The following TNRC6B variants were observed in gnomAD, a reference collection of about 807,000 sequenced individuals.
TNRC6B encodes trinucleotide repeat-containing gene 6B protein.
A neutral mutation model predicts 203.6 loss-of-function variants in TNRC6B; 52 were observed. The observed-to-expected ratio is 0.26, with a 90% CI of 0.20 to 0.32. TNRC6B has a LOEUF of 0.32. TNRC6B is among the 10% of genes least tolerant of loss of function. The probability of loss-of-function intolerance (pLI) is 1.00; values close to 1 mark genes in which losing one functional copy is unlikely to be tolerated. For synonymous variants in TNRC6B, 838 were observed against 845.7 expected (o/e 0.99, Z 0.16); for missense variants, 1,923 against 2,286.2 (o/e 0.84, Z 3.24).
chr22:40,232,253 C>T (rs1225977496), intron 1 of TNRC6B, among the ~76,000 whole-genome samples: 2 of 152,158 alleles, frequency 1.3e-5, no homozygotes, highest in Non-Finnish European at 2.9e-5. Context: ...GGCAGGCCCA[C>T]CCTATTTGGT....
rs554321090 is a variant in TNRC6B at position 40,306,891 on chromosome 22, G to A, written c.4121-1621G>A. On this transcript the variant is annotated intron_variant, in intron 15 of 22. Coordinates refer to ENST00000454349, the MANE Select transcript of TNRC6B (RefSeq NM_001162501.2). ...TAGTCCCAGCTACTCAGGAGGCTGA[G>A]GCAGGAGAATTGCTTGAACCCAGGA... 3.3e-5 allele frequency among the ~76,000 whole-genome samples: 5 copies of A among 152,280 alleles called. No individual in the cohort carries two copies. The South Asian group carries it at 1.0e-3, about 32-fold the overall frequency.
intron 1 of TNRC6B, among the ~76,000 whole-genome samples, chr22:40,099,069 G>T (rs1483655903): frequency 6.6e-6 from 1 of 152,064 alleles, no homozygotes; most frequent in Non-Finnish European, 1.5e-5. Context: ...GGCCAAGATG[G>T]TGAAACCCCG....
At chr22:40,295,035 G>A (rs2070920257) in intron 12 of TNRC6B, among the ~76,000 whole-genome samples, 2 of 152,198 alleles carry the variant, frequency 1.3e-5, no homozygotes, top group South Asian at 4.1e-4. Flanking sequence ...GCAGCTGGGG[G>A]GAACTATTAC....
intron 3 of TNRC6B, among the ~76,000 whole-genome samples, chr22:40,127,385 T>G (rs912360544): frequency 8.5e-5 from 13 of 152,148 alleles, no homozygotes; most frequent in Non-Finnish European, 1.9e-4. Context: ...TAGGTTTTCA[T>G]CAGACTCATT....
rs185809109 is a variant in TNRC6B at position 40,128,773 on chromosome 22, G to A, written c.45+2911G>A. ...TCTGGGCTCAAGTGATTCTCCTGCC[G>A]CAGTCTCCCAAAGTGCTGGAATTAT... On this transcript the variant is annotated intron_variant, in intron 3 of 23. Transcript: ENST00000301923. 1.4e-4 allele frequency among the ~76,000 whole-genome samples: 21 copies of A among 151,714 alleles called. No homozygotes were observed. The East Asian group carries it at 3.1e-3, about 22-fold the overall frequency.
intron 3 of TNRC6B, among the ~76,000 whole-genome samples, chr22:40,128,688 T>A (rs1339488189): frequency 6.9e-6 from 1 of 145,322 alleles, no homozygotes; most frequent in Non-Finnish European, 1.5e-5. Context: ...CACACCTGGC[T>A]CTCTTTTTTT....
At chr22:40,294,959 T>C (rs2070919355) in intron 12 of TNRC6B, among the ~76,000 whole-genome samples, 1 of 152,184 alleles carries the variant, frequency 6.6e-6, no homozygotes, top group African/African-American at 2.4e-5. Context: ...CCTATTAAAA[T>C]AGAAAGTCAA....
upstream of TNRC6B, among the ~76,000 whole-genome samples, chr22:40,174,113 T>C (rs1010738484): frequency 6.6e-6 from 1 of 151,740 alleles, no homozygotes; most frequent in Non-Finnish European, 1.5e-5. Context: ...TCTAGATTTT[T>C]GAGTTAAATA....
chr22:40,050,179 G>A (rs1035255754), intron 1 of TNRC6B, among the ~76,000 whole-genome samples: 28 of 152,212 alleles, frequency 1.8e-4, no homozygotes, highest in Admixed American at 1.2e-3. Flanking sequence ...AAGCCAGCCC[G>A]GATCCAGCGA....
chr22:40,100,585 G>A (rs1314742977), intron 1 of TNRC6B, among the ~76,000 whole-genome samples: 2 of 152,090 alleles, frequency 1.3e-5, no homozygotes, highest in Non-Finnish European at 2.9e-5. Context: ...CTTAATTATT[G>A]GGTCTTACCA....
intron 11 of TNRC6B, among the ~76,000 whole-genome samples, chr22:40,282,963 A>G (rs2070736515): frequency 6.6e-6 from 1 of 152,158 alleles, no homozygotes; most frequent in Non-Finnish European, 1.5e-5. Context: ...AGTAATAGCC[A>G]CACAAACCTG....
chr22:40,254,060 A>G (rs1484750151), intron 3 of TNRC6B, among the ~76,000 whole-genome samples: 1 of 152,122 alleles, frequency 6.6e-6, no homozygotes, highest in Non-Finnish European at 1.5e-5. Context: ...TGTATTCTCC[A>G]CCATTAAAAA....
At chr22:40,091,035 G>A (rs112190599) in intron 1 of TNRC6B, among the ~76,000 whole-genome samples, 1 of 152,322 alleles carries the variant, frequency 6.6e-6, no homozygotes, top group African/African-American at 2.4e-5. Context: ...AGGCTGGAGT[G>A]CAGTAGCACG....
rs371024529 is a variant in TNRC6B, at chr22:40,266,601, C to A, written c.2371C>A (p.Leu791Ile). The A allele has an allele frequency of 5.8e-5, 93 of 1,612,052 alleles. No homozygotes were observed. Among genetic ancestry groups the A allele is most frequent in the Middle Eastern group, 3.3e-4 (2 of 6,078 alleles). Residue 791 changes from leucine (L) to isoleucine (I), a missense_variant, in exon 5 of 23, where the codon CTA becomes ATA. Transcript: ENST00000454349. ...TTGGGGTAATGGTGGCAATGCAAGC[C>A]TAGCTTCAAAAGGTGGGTGGGAGGA... is the stretch of plus-strand genomic sequence containing the variant. ...GTWGNGGNAS[L>I]ASKGGWEDCK...
chr22:40,301,045 G>A, intron 14 of TNRC6B, 40 bp downstream of exon 14: 2 of 1,596,380 alleles, frequency 1.3e-6, no homozygotes, highest in South Asian at 1.1e-5. Context: ...CTGTGTTGGA[G>A]GAGTACATCC....
intron 1 of TNRC6B, among the ~76,000 whole-genome samples, chr22:40,242,500 G>A (rs1468852763): frequency 1.3e-5 from 2 of 150,164 alleles, no homozygotes; most frequent in East Asian, 2.0e-4. Flanking sequence ...GCACGATTTC[G>A]GCCCACCGCA....
At chr22:40,154,675 C>T (rs542414801) in intron 3 of TNRC6B, among the ~76,000 whole-genome samples, 1 of 149,100 alleles carries the variant, frequency 6.7e-6, no homozygotes, top group African/African-American at 2.5e-5. Flanking sequence ...CCCATCTCTA[C>T]TAAAAATACA....
At chr22:40,125,817 C>T in exon 3 of TNRC6B, 1 of 1,611,668 alleles carries the variant, frequency 6.2e-7, no homozygotes, top group Non-Finnish European at 8.5e-7. Context: ...AATCTGTTCC[C>T]ATGCAAACCA....
intron 1 of TNRC6B, among the ~76,000 whole-genome samples, chr22:40,076,457 C>T (rs2068014288): frequency 6.6e-6 from 1 of 152,152 alleles, no homozygotes. Context: ...TTTATTTTTC[C>T]ATCTTTTTTG....
Sources: allele counts gnomAD v4.1 joint callset (sites outside exome capture counted in the v4.1 genomes callset), GRCh38; gene constraint gnomAD v4.1.1; transcripts MANE v1.5; gene names NCBI Gene and HGNC (gene_info 2026-07-23, HGNC 2026-07-21).